FGD4: variants seen among roughly 807,000 people sequenced by gnomAD.
The protein encoded by FGD4 is FYVE, RhoGEF and PH domain-containing protein 4.
A neutral mutation model predicts 102.0 loss-of-function variants in FGD4; 42 were observed. The ratio of observed to expected loss-of-function variants is 0.41; its 90% CI spans 0.32 to 0.53. The LOEUF (loss-of-function observed/expected upper bound fraction) is 0.53, where lower values mean the gene tolerates loss of function less well. Among genes scored for constraint, FGD4 ranks in the 20% least tolerant of loss-of-function variants. The pLI, the probability that FGD4 is intolerant of heterozygous loss-of-function variation, is 0.21. For synonymous variants in FGD4, 380 were observed against 375.7 expected (o/e 1.01, Z -0.13); for missense variants, 902 against 1,078.2 (o/e 0.84, Z 2.29).
intron 1 of FGD4, among the ~76,000 whole-genome samples, chr12:32,427,557 G>C (rs1941886636): frequency 1.3e-5 from 2 of 152,136 alleles, no homozygotes; most frequent in Non-Finnish European, 2.9e-5. Flanking sequence ...TTGGGGTAGA[G>C]AGTTCTGTAG....
intron 1 of FGD4, among the ~76,000 whole-genome samples, chr12:32,485,436 ATTTTTTT>A (rs372655892): frequency 8.8e-6 from 1 of 114,218 alleles, no homozygotes; most frequent in African/African-American, 3.2e-5. Flanking sequence ...TTTAAGACCA[ATTTTTTT>A]TTTTTTTTTT....
At chr12:32,628,108 G>A (rs572491366) in intron 14 of FGD4, among the ~76,000 whole-genome samples, 140 of 152,298 alleles carry the variant, frequency 9.2e-4, no homozygotes, top group African/African-American at 2.8e-3. Flanking sequence ...GACATAAGGC[G>A]GTAGAGTTGG....
At chr12:32,464,534 C>T (rs1304168734) in intron 1 of FGD4, among the ~76,000 whole-genome samples, 1 of 152,110 alleles carries the variant, frequency 6.6e-6, no homozygotes, top group Non-Finnish European at 1.5e-5. Flanking sequence ...GACAAATGCA[C>T]ATAGGGTATT....
At chr12:32,599,416 C>A (rs1948173153) in intron 5 of FGD4, among the ~76,000 whole-genome samples, 1 of 123,140 alleles carries the variant, frequency 8.1e-6, no homozygotes, top group South Asian at 2.7e-4. Flanking sequence ...ATGGCGTGAA[C>A]CCGGGAGGCG....
At chr12:32,619,668 T>C in intron 10 of FGD4, 30 bp from the exon 11 acceptor site, 1 of 1,613,286 alleles carries the variant, frequency 6.2e-7, no homozygotes, top group Non-Finnish European at 8.5e-7. Context: ...ATTTCTTTTC[T>C]TTACTGATAT....
chr12:32,531,117 A>C (rs1592130558), intron 1 of FGD4, among the ~76,000 whole-genome samples: 1 of 151,420 alleles, frequency 6.6e-6, no homozygotes, highest in African/African-American at 2.4e-5. Flanking sequence ...ATGCCCAGCT[A>C]ATTTTTGTAT....
chr12:32,573,580 A>C (rs1390335253), intron 2 of FGD4, among the ~76,000 whole-genome samples: 1 of 152,254 alleles, frequency 6.6e-6, no homozygotes, highest in African/African-American at 2.4e-5. Flanking sequence ...ATGATGAACA[A>C]GTGATAGAAT....
chr12:32,480,537 T>C (rs1361127757), intron 1 of FGD4, among the ~76,000 whole-genome samples: 1 of 151,954 alleles, frequency 6.6e-6, no homozygotes, highest in Non-Finnish European at 1.5e-5. Flanking sequence ...AGTCTTACTC[T>C]GTCACCAGGC....
chr12:32,431,055 A>G (rs970380170), intron 1 of FGD4, among the ~76,000 whole-genome samples: 1 of 152,230 alleles, frequency 6.6e-6, no homozygotes, highest in Non-Finnish European at 1.5e-5. Flanking sequence ...TGAATGAACA[A>G]CTGGTATGTT....
At chr12:32,435,134 A>C (rs1942184063) in intron 1 of FGD4, among the ~76,000 whole-genome samples, 1 of 151,856 alleles carries the variant, frequency 6.6e-6, no homozygotes, top group African/African-American at 2.4e-5. Context: ...ATAGAGATGG[A>C]GTTTCTCCAT....
chr12:32,543,632 G>C (rs1053752894), intron 1 of FGD4, among the ~76,000 whole-genome samples: 32 of 152,118 alleles, frequency 2.1e-4, no homozygotes, highest in Admixed American at 2.1e-3. Context: ...GAAATTACAA[G>C]AGTTTTGTTT....
chr12:32,480,036 C>CTT (rs1226026012), intron 1 of FGD4, among the ~76,000 whole-genome samples: 22 of 152,124 alleles, frequency 1.4e-4, no homozygotes, highest in African/African-American at 5.1e-4. Context: ...AAGTGATCTG[C>CTT]CTGCCTCAGC....
intron 1 of FGD4, among the ~76,000 whole-genome samples, chr12:32,477,084 T>A (rs1003079626): frequency 2.0e-5 from 3 of 152,174 alleles, no homozygotes; most frequent in Non-Finnish European, 4.4e-5. Flanking sequence ...GGTAAGGAGT[T>A]CAGGACCATC....
intron 1 of FGD4, among the ~76,000 whole-genome samples, chr12:32,465,268 A>T (rs1456349128): frequency 5.3e-5 from 8 of 151,446 alleles, no homozygotes; most frequent in Admixed American, 2.0e-4. Flanking sequence ...TGTATGTTTT[A>T]TATATATATA....
At chr12:32,524,587 G>A (rs1940943591) in intron 1 of FGD4, among the ~76,000 whole-genome samples, 2 of 151,856 alleles carry the variant, frequency 1.3e-5, no homozygotes, top group Admixed American at 1.3e-4. Context: ...CACTTTGGGG[G>A]GCCAAGATGG....
chr12:32,552,219 G>C (rs1010528129), intron 1 of FGD4, among the ~76,000 whole-genome samples: 1 of 152,080 alleles, frequency 6.6e-6, no homozygotes, highest in African/African-American at 2.4e-5. Flanking sequence ...AGAGTAATTT[G>C]TGTACTGTAA....
At chr12:32,433,095 C>G (rs1309124887) in intron 1 of FGD4, among the ~76,000 whole-genome samples, 1 of 151,920 alleles carries the variant, frequency 6.6e-6, no homozygotes, top group Non-Finnish European at 1.5e-5. Context: ...CTCCCTGGTT[C>G]AAGCAATTCT....
At chr12:32,465,263 G>GTT (rs557905236) in intron 1 of FGD4, among the ~76,000 whole-genome samples, 9 of 144,544 alleles carry the variant, frequency 6.2e-5, no homozygotes, top group African/African-American at 2.6e-4. Context: ...TATTTTGTAT[G>GTT]TTTTATATAT....
In FGD4 at chr12:32,574,785, T is replaced by A. The variant is rs1201307255; in HGVS notation, c.320-1481T>A. 11 of 152,100 alleles carry A rather than the reference T, an allele frequency of 7.2e-5. No individual in the cohort carries two copies. The East Asian group carries it at 1.5e-3, about 21-fold the overall frequency. 9.4% of individuals were successfully genotyped at this position (152,100 alleles called of 1,614,324 possible). ...AACTGAGTTTATAAAAGAGATGAGA[T>A]CACTAAAAACCAGGGGAACCAGCTG... On this transcript the variant is annotated intron_variant, in intron 2 of 16. Coordinates refer to ENST00000534526, the MANE Select transcript of FGD4 (RefSeq NM_001370298.3).
Sources: allele counts gnomAD v4.1 joint callset (sites outside exome capture counted in the v4.1 genomes callset), GRCh38; gene constraint gnomAD v4.1.1; transcripts MANE v1.5; gene names NCBI Gene and HGNC (gene_info 2026-07-23, HGNC 2026-07-21).